Variants in PCDHGA5 observed in about 807,000 individuals in gnomAD.
PCDHGA5 encodes the protein protocadherin gamma-A5.
A neutral mutation model predicts 56.7 loss-of-function variants in PCDHGA5; 36 were observed. The observed-to-expected ratio is 0.64, with a 90% confidence interval of 0.49 to 0.84. The LOEUF (loss-of-function observed/expected upper bound fraction) is 0.84. Ranked by LOEUF, PCDHGA5 falls within the 40% of genes least tolerant of loss-of-function variation. The pLI, the probability that PCDHGA5 is intolerant of heterozygous loss-of-function variation, is 0.00. For missense variants in PCDHGA5, 1,305 were observed against 1,201.5 expected (o/e 1.09, Z -1.27); for synonymous variants, 563 against 520.2 (o/e 1.08, Z -1.12).
At chr5:141,368,863 T>C (rs1765900846) in intron 1 of PCDHGA5, among the ~76,000 whole-genome samples, 1 of 152,218 alleles carries the variant, frequency 6.6e-6, no homozygotes, top group African/African-American at 2.4e-5. Context: ...TTGGAATGTT[T>C]TGGAGCAAAG....
intron 1 of PCDHGA5, chr5:141,383,450 G>T: frequency 6.2e-7 from 1 of 1,613,960 alleles, no homozygotes; most frequent in South Asian, 1.1e-5. Flanking sequence ...GCTGTGCAAA[G>T]TGGAGACGAT....
intron 1 of PCDHGA5, among the ~76,000 whole-genome samples, chr5:141,443,156 A>G (rs1059029): frequency 0.29 from 44,047 of 151,812 alleles, 7,376 homozygotes; most frequent in African/African-American, 0.47. Flanking sequence ...ACTGCATTTT[A>G]TTTCCCTACC....
At chr5:141,375,581 C>A in intron 1 of PCDHGA5, 2 of 1,614,174 alleles carry the variant, frequency 1.2e-6, no homozygotes, top group Non-Finnish European at 8.5e-7. Context: ...CCAGGGGGCG[C>A]CCCTGTCCTC....
chr5:141,449,930 A>G (rs1353778264), intron 1 of PCDHGA5, among the ~76,000 whole-genome samples: 1 of 151,614 alleles, frequency 6.6e-6, no homozygotes, highest in East Asian at 1.9e-4. Context: ...ACCATACCTT[A>G]TAGTATATTT....
In PCDHGA5 at chr5:141,511,224, G is replaced by T. The variant is rs752401867; in HGVS notation, c.*51G>T. On this transcript the variant is annotated 3_prime_UTR_variant, in exon 4 of 4. Coordinates refer to ENST00000518069, the MANE Select transcript of PCDHGA5 (RefSeq NM_018918.3). ...GGGCGGCCTCTCCCCAACCAGCCCA[G>T]CTTCTCCTTACCTGCACCCAGGCCT... is the stretch of plus-strand genomic sequence containing the variant. 44 of 1,603,158 alleles carry T rather than the reference G, an allele frequency of 2.7e-5. No individual in the cohort carries two copies. Among genetic ancestry groups the T allele is most frequent in the Non-Finnish European group, 3.6e-5 (42 of 1,174,924 alleles).
At chr5:141,468,403 A>C (rs2099166784) in intron 1 of PCDHGA5, 1 of 152,088 alleles carries the variant, frequency 6.6e-6, no homozygotes, top group African/African-American at 2.4e-5. Flanking sequence ...GGTGAGAACT[A>C]ATAATAAGTT....
chr5:141,419,933 C>CTGG (rs1192896428), intron 1 of PCDHGA5: 1 of 1,613,952 alleles, frequency 6.2e-7, no homozygotes, highest in African/African-American at 1.3e-5. Context: ...GCAGTTTTAC[C>CTGG]TGGTGGTGGC....
intron 1 of PCDHGA5, chr5:141,384,940 T>C: frequency 6.2e-7 from 1 of 1,613,942 alleles, no homozygotes; most frequent in Non-Finnish European, 8.5e-7. Flanking sequence ...CCTTGAGCCC[T>C]CCGACGGTCC....
intron 1 of PCDHGA5, chr5:141,394,304 G>T (rs1317596371): frequency 1.2e-6 from 2 of 1,613,932 alleles, no homozygotes; most frequent in Admixed American, 1.7e-5. Flanking sequence ...ACACGCTGCA[G>T]GGGGCGCCCC....
At chr5:141,411,895 A>G (rs945335839) in intron 1 of PCDHGA5, 1 of 152,254 alleles carries the variant, frequency 6.6e-6, no homozygotes, top group Non-Finnish European at 1.5e-5. Context: ...TAAATGAAAT[A>G]CTATTGCCTT....
In PCDHGA5 at chr5:141,511,216, C is replaced by A. The variant is rs374915167; in HGVS notation, c.*43C>A. On this transcript the variant is annotated 3_prime_UTR_variant, in exon 4 of 4. Coordinates refer to ENST00000518069, the MANE Select transcript of PCDHGA5 (RefSeq NM_018918.3). Reference sequence around the variant, plus strand: ...GAGCCACAGGGCGGCCTCTCCCCAACCAGCCCAGCTTCTCCTTACCTGCAC... The same window carrying A: ...GAGCCACAGGGCGGCCTCTCCCCAAACAGCCCAGCTTCTCCTTACCTGCAC... The A allele has an allele frequency of 6.2e-7, 1 of 1,608,004 alleles. No homozygotes were observed. The highest frequency in any genetic ancestry group is 1.3e-5 in the African/African-American group (1 of 74,736).
Position 141,432,811 on chromosome 5 carries a change from T to G in PCDHGA5, c.2422-61996T>G. Reference sequence around the variant, plus strand: ...GCAGCCTCGAGTCTCCAGCTAACTCTGAAACCTCAGACCTCACTCTGTACC... The same window carrying G: ...GCAGCCTCGAGTCTCCAGCTAACTCGGAAACCTCAGACCTCACTCTGTACC... On this transcript the variant is annotated intron_variant, in intron 1 of 3. Transcript: ENST00000518069. The surrounding 1 kb of genome is among the most constrained non-coding windows in gnomAD (Gnocchi z 6.0). 1 of 1,614,126 alleles carries G rather than the reference T, an allele frequency of 6.2e-7. No homozygotes were observed. Among genetic ancestry groups the G allele is most frequent in the Non-Finnish European group, 8.5e-7 (1 of 1,179,988 alleles).
rs529134948 is a variant in PCDHGA5, at chr5:141,368,813, A to C, written c.2421+2062A>C. Among the ~76,000 whole-genome samples, 5 of 152,322 alleles carry C rather than the reference A, an allele frequency of 3.3e-5. No individual in the cohort carries two copies. In the East Asian group the frequency reaches 7.7e-4, roughly 24 times the overall value. ...ATTTTTCATACTAATTGAAGTGTTC[A>C]TACAATGAACACTTGGCATTGTGTT... On this transcript the variant is annotated intron_variant, in intron 1 of 3. Coordinates refer to ENST00000518069, the MANE Select transcript of PCDHGA5 (RefSeq NM_018918.3).
intron 1 of PCDHGA5, chr5:141,428,370 C>A: frequency 1.8e-6 from 1 of 540,734 alleles, no homozygotes; most frequent in Non-Finnish European, 3.4e-6. Flanking sequence ...TCGCCTTGCA[C>A]CTGCGATGCT....
chr5:141,443,781 CA>C (rs1227271563), intron 1 of PCDHGA5, among the ~76,000 whole-genome samples: 2 of 150,514 alleles, frequency 1.3e-5, no homozygotes, highest in African/African-American at 2.4e-5. Flanking sequence ...ACCAAAAAGA[CA>C]AAAAAAATGA....
Position 141,512,288 on chromosome 5 carries a change from TCAGCGGAGCCCCAGCAGGAAGGGTGGGC to T in PCDHGA5, c.*1120_*1147del, listed in dbSNP as rs1375137843. The T allele has an allele frequency of 6.5e-6, 1 of 152,680 alleles. No individual in the cohort carries two copies. Among genetic ancestry groups the T allele is most frequent in the Non-Finnish European group, 1.5e-5 (1 of 68,182 alleles). The allele number at this position is 152,680 out of a possible 1,614,324, so 9.5% of individuals were successfully genotyped here. ...TCCAGAGGTGCCACTGGTGGAAGGG[TCAGCGGAGCCCCAGCAGGAAGGGTGGGC>T]CAGCCAGGCCATTCTTAGTCCCTGG... On this transcript the variant is annotated 3_prime_UTR_variant, in exon 4 of 4. Coordinates refer to ENST00000518069, the MANE Select transcript of PCDHGA5 (RefSeq NM_018918.3).
At chr5:141,404,779 C>G in intron 1 of PCDHGA5, 1 of 1,613,746 alleles carries the variant, frequency 6.2e-7, no homozygotes, top group Non-Finnish European at 8.5e-7. Context: ...ACCGCCTATT[C>G]AAGGCCAGTG....
chr5:141,372,537 C>A lies in PCDHGA5; in HGVS notation c.2421+5786C>A, dbSNP rs138338803. 3.0e-3 allele frequency: 4,858 copies of A among 1,614,046 alleles called. 5 individuals carry two copies. The highest frequency in any genetic ancestry group is 4.8e-3 in the Admixed American group (290 of 60,038). On this transcript the variant is annotated intron_variant, in intron 1 of 3. Coordinates refer to ENST00000518069, the MANE Select transcript of PCDHGA5 (RefSeq NM_018918.3). The stretch of plus-strand genomic sequence containing the variant: ...GGTGATTCTGGCAATCTCCCTGCGC[C>A]TGCGATGCTCCTCCAGACCCGCCAC...
chr5:141,440,401 C>T (rs1023628115), intron 1 of PCDHGA5: 4 of 152,088 alleles, frequency 2.6e-5, no homozygotes, highest in African/African-American at 7.3e-5. Context: ...GAGAGGCAAT[C>T]GCACCACTGC....
Sources: gnomAD v4.1 joint callset for allele counts (sites outside exome capture counted in the v4.1 genomes callset) on GRCh38, gnomAD v4.1.1 for gene constraint, Gnocchi (gnomAD v3.1) non-coding constraint, MANE v1.5 for transcripts, NCBI Gene and HGNC (gene_info 2026-07-23, HGNC 2026-07-21) for gene names.